The following TUB variants were observed in gnomAD, a reference collection of about 807,000 sequenced individuals.
The protein encoded by TUB is tubby protein homolog.
TUB carries 33 observed loss-of-function variants against 59.7 expected under a neutral mutation model. The ratio of observed to expected loss-of-function variants is 0.55; its 90% CI spans 0.42 to 0.74. The LOEUF is 0.74. TUB is among the 30% of genes least tolerant of loss of function. The probability of loss-of-function intolerance (pLI) is 0.00; values close to 1 mark genes in which losing one functional copy is unlikely to be tolerated. For synonymous variants in TUB, 293 were observed against 256.4 expected (o/e 1.14, Z -1.36); for missense variants, 659 against 672.0 (o/e 0.98, Z 0.21).
intron 6 of TUB, 35 bp from the exon 7 acceptor site, chr11:8,097,193 C>G: frequency 1.2e-6 from 2 of 1,612,240 alleles, no homozygotes; most frequent in Non-Finnish European, 1.7e-6. Flanking sequence ...GCTTAGGGTC[C>G]TTGGGGCTCA....
chr11:8,092,483 C>G (rs1943811076), intron 3 of TUB, among the ~76,000 whole-genome samples: 1 of 152,184 alleles, frequency 6.6e-6, no homozygotes, highest in Non-Finnish European at 1.5e-5. Context: ...CATTTACCCT[C>G]TCTGGATCTG....
rs536265282 is a variant in TUB at position 8,030,731 on chromosome 11, G to A, written c.56+11373G>A. Among the ~76,000 whole-genome samples the A allele has an allele frequency of 1.6e-4, 24 of 152,262 alleles. 1 individual carries two copies. The South Asian group carries it at 3.7e-3, about 24-fold the overall frequency. Reference sequence around the variant, plus strand: ...AATGAGGAGCACAGAGCTGAGGTCCGGGGGAAGCGGTCCCTGGATCTGGGG... The same window carrying A: ...AATGAGGAGCACAGAGCTGAGGTCCAGGGGAAGCGGTCCCTGGATCTGGGG... On this transcript the variant is annotated intron_variant, in intron 1 of 11. Transcript: ENST00000534099.
In TUB at chr11:8,103,253, C is replaced by T. The variant is rs1183784182; in HGVS notation, c.*1634C>T. ...ACCATCCACCCTGCAGGCTTGGGAA[C>T]TGTAAGCTCAAGCTTTTGCTCATTT... is the stretch of plus-strand genomic sequence containing the variant. On this transcript the variant is annotated 3_prime_UTR_variant, in exon 12 of 12. Coordinates refer to ENST00000299506, the MANE Select transcript of TUB (RefSeq NM_177972.3). 1 of 152,232 alleles carries T rather than the reference C, an allele frequency of 6.6e-6. No homozygotes were observed. Among genetic ancestry groups the T allele is most frequent in the African/African-American group, 2.4e-5 (1 of 41,462 alleles). 9.4% of individuals were successfully genotyped at this position (152,232 alleles called of 1,614,324 possible).
intron 2 of TUB, among the ~76,000 whole-genome samples, chr11:8,061,233 G>C (rs935433810): frequency 1.3e-5 from 2 of 152,214 alleles, no homozygotes; most frequent in African/African-American, 2.4e-5. Flanking sequence ...CCACCTGTGT[G>C]GGGGAGGACT....
chr11:8,052,329 G>A (rs1046859125), intron 2 of TUB, among the ~76,000 whole-genome samples: 3 of 152,090 alleles, frequency 2.0e-5, no homozygotes, highest in African/African-American at 7.2e-5. Flanking sequence ...TTTTATCAAG[G>A]ATGTTAATAT....
upstream of TUB, among the ~76,000 whole-genome samples, chr11:8,038,437 C>A (rs1942682677): frequency 6.6e-6 from 1 of 152,140 alleles, no homozygotes; most frequent in Non-Finnish European, 1.5e-5. Flanking sequence ...ACAGCCTGAG[C>A]CCTAGCACAG....
At position 8,100,964 on chromosome 11, in the gene TUB, G is replaced by A. The variant is rs778413160; in HGVS notation, c.1354G>A (p.Val452Met). The change falls in exon 11 of 12, where the codon GTG becomes ATG. Residue 452 changes from valine (V) to methionine (M), a missense_variant. Coordinates refer to ENST00000299506, the MANE Select transcript of TUB (RefSeq NM_177972.3). ...CCATGGGCGCGTCACACAGGCCTCC[G>A]TGAAGAACTTCCAGATCATCCATGG... ...NFHGRVTQASVKNFQIIHGND... is the reference protein window; with the variant it reads ...NFHGRVTQASMKNFQIIHGND... 25 of 1,614,028 alleles carry A rather than the reference G, an allele frequency of 1.5e-5. No homozygotes were observed. The highest frequency in any genetic ancestry group is 1.8e-5 in the Non-Finnish European group (21 of 1,180,032).
chr11:8,097,706 T>C lies in TUB; in HGVS notation c.886-8T>C, dbSNP rs1944061430. On this transcript the variant is annotated splice_region_variant and splice_polypyrimidine_tract_variant and intron_variant, in intron 7 of 11. Transcript: ENST00000299506. ...AGTCTGGAATATGACCTCATTCCACTCCCCAAGGTGTTCCTCCTGGCGGGA... is the reference window on the plus strand; with the variant it reads ...AGTCTGGAATATGACCTCATTCCACCCCCCAAGGTGTTCCTCCTGGCGGGA... 6.2e-7 allele frequency: 1 copy of C among 1,608,954 alleles called. No individual in the cohort carries two copies. The highest frequency in any genetic ancestry group is 8.5e-7 in the Non-Finnish European group (1 of 1,176,364).
At chr11:8,090,359 C>T in intron 3 of TUB, 128 bp downstream of exon 3, 1 of 1,322,846 alleles carries the variant, frequency 7.6e-7, no homozygotes, top group South Asian at 1.5e-5. Context: ...CCAGCCCAGG[C>T]AGACAGCTGA....
chr11:8,088,505 CAT>C (rs547189409), intron 1 of TUB, among the ~76,000 whole-genome samples: 29 of 152,230 alleles, frequency 1.9e-4, no homozygotes, highest in Non-Finnish European at 2.4e-4. Context: ...TGTGCACACA[CAT>C]GAGATATTCA....
At chr11:8,061,654 C>T (rs1022421823) in intron 2 of TUB, among the ~76,000 whole-genome samples, 3 of 152,106 alleles carry the variant, frequency 2.0e-5, no homozygotes, top group Non-Finnish European at 4.4e-5. Context: ...AGCCCACACT[C>T]ATGTCCCTGC....
chr11:8,100,463 T>G (rs201940066), intron 9 of TUB, 40 bp from the exon 10 acceptor site: 3 of 1,537,548 alleles, frequency 2.0e-6, no homozygotes, highest in Non-Finnish European at 2.7e-6. Context: ...AGTAGGTAAA[T>G]AGACGCCTCA....
At chr11:8,100,744 C>CCCA (rs1439004025) in intron 10 of TUB, 82 bp from the exon 11 acceptor site, 2 of 1,580,982 alleles carry the variant, frequency 1.3e-6, no homozygotes, top group Non-Finnish European at 1.7e-6. Flanking sequence ...TCCAAGGACC[C>CCCA]CCATTCCCGG....
intron 1 of TUB, among the ~76,000 whole-genome samples, chr11:8,088,434 C>T (rs757042352): frequency 1.3e-5 from 2 of 152,208 alleles, no homozygotes; most frequent in African/African-American, 2.4e-5. Context: ...CCCCTTTGCA[C>T]GCACACTGCG....
intron 2 of TUB, among the ~76,000 whole-genome samples, chr11:8,064,547 A>G (rs1943200206): frequency 6.6e-6 from 1 of 152,124 alleles, no homozygotes; most frequent in South Asian, 2.1e-4. Context: ...CTGGGCCCTC[A>G]TGTCTTGGCT....
chr11:8,039,078 A>G lies in TUB; in HGVS notation c.155+50A>G, dbSNP rs755240665. ...AGCCCATGGGCCCAACCATTGCGTC[A>G]GCTCCACCCACCCACCCTCACTGAC... On this transcript the variant is annotated intron_variant, in intron 1 of 12. Transcript: ENST00000305253. 9.4e-6 allele frequency: 15 copies of G among 1,593,666 alleles called. 1 individual carries two copies. Among genetic ancestry groups the G allele is most frequent in the Middle Eastern group, 2.3e-4 (1 of 4,380 alleles).
intron 2 of TUB, among the ~76,000 whole-genome samples, chr11:8,058,847 T>A (rs561625129): frequency 1.3e-5 from 2 of 152,346 alleles, no homozygotes; most frequent in Non-Finnish European, 2.9e-5. Flanking sequence ...GGGACAGTCA[T>A]CTGGCTATAT....
upstream of TUB, among the ~76,000 whole-genome samples, chr11:8,034,014 G>C (rs546386211): frequency 2.0e-5 from 3 of 152,358 alleles, no homozygotes; most frequent in Admixed American, 6.5e-5. Flanking sequence ...GGCATACCCG[G>C]CCTTGTCTGG....
At chr11:8,020,120 T>C (rs563471038) in intron 1 of TUB, among the ~76,000 whole-genome samples, 1 of 152,380 alleles carries the variant, frequency 6.6e-6, no homozygotes, top group South Asian at 2.1e-4. Flanking sequence ...GTTCTACCTT[T>C]TGTTGGTGTG....
Sources: allele counts gnomAD v4.1 joint callset (sites outside exome capture counted in the v4.1 genomes callset), GRCh38; gene constraint gnomAD v4.1.1; transcripts MANE v1.5; gene names NCBI Gene and HGNC (gene_info 2026-07-23, HGNC 2026-07-21).